EYS: variants seen among roughly 807,000 people sequenced by gnomAD.
EYS encodes protein eyes shut homolog.
A neutral mutation model predicts 282.1 loss-of-function variants in EYS; 250 were observed. That is an observed-to-expected ratio of 0.89 (90% CI 0.80 to 0.98). The LOEUF (loss-of-function observed/expected upper bound fraction) is 0.98, where lower values mean the gene tolerates loss of function less well. Ranked by LOEUF, EYS falls within the 50% of genes least tolerant of loss-of-function variation. The pLI, the probability that EYS is intolerant of heterozygous loss-of-function variation, is 0.00. For synonymous variants in EYS, 1,355 were observed against 1,282.9 expected, an observed-to-expected ratio of 1.06 and a Z score of -1.20; for missense variants, 4,016 against 3,709.0, an observed-to-expected ratio of 1.08 and a Z score of -2.15.
Position 63,979,115 on chromosome 6 carries a change from C to T in EYS, c.7055+5268G>A, listed in dbSNP as rs368699280. 5.9e-5 allele frequency among the ~76,000 whole-genome samples: 9 copies of T among 152,036 alleles called. No homozygotes were observed. In the East Asian group the frequency reaches 1.6e-3, roughly 26 times the overall value. The stretch of plus-strand genomic sequence containing the variant: ...AACACTAATTTACCCATTTGTTGCC[C>T]TAGTGCAGTGGTCTGCAAATGATAG... On this transcript the variant is annotated intron_variant, in intron 35 of 42. Transcript: ENST00000503581.
chr6:65,325,953 T>G lies in EYS; in HGVS notation c.1766+9027A>C, dbSNP rs376586689. Among the ~76,000 whole-genome samples the G allele has an allele frequency of 7.9e-5, 12 of 152,296 alleles. No individual in the cohort carries two copies. The East Asian group carries it at 2.3e-3, about 29-fold the overall frequency. ...GCTAATGAAAGAGCAGTGTTCTTGTTGTTGAGTAATCCACTTATTTATTCT... is the reference window on the plus strand; with the variant it reads ...GCTAATGAAAGAGCAGTGTTCTTGTGGTTGAGTAATCCACTTATTTATTCT... On this transcript the variant is annotated intron_variant, in intron 11 of 42. Transcript: ENST00000503581.
chr6:65,607,647 A>C (rs1200755785), intron 2 of EYS, among the ~76,000 whole-genome samples: 4 of 131,184 alleles, frequency 3.0e-5, no homozygotes, highest in Non-Finnish European at 5.4e-5. Flanking sequence ...ATATGCAGTT[A>C]TCTGAGATAA....
At chr6:64,989,476 T>TGA (rs1770981679) in intron 14 of EYS, among the ~76,000 whole-genome samples, 1 of 135,274 alleles carries the variant, frequency 7.4e-6, no homozygotes, top group South Asian at 2.2e-4. Flanking sequence ...TATATATATA[T>TGA]ATATATATAT....
chr6:64,163,146 G>C (rs1775159944), intron 31 of EYS, among the ~76,000 whole-genome samples: 1 of 151,894 alleles, frequency 6.6e-6, no homozygotes, highest in African/African-American at 2.4e-5. Context: ...TGTTTTAACA[G>C]GTAAAAAAGC....
intron 32 of EYS, among the ~76,000 whole-genome samples, chr6:64,081,550 T>C (rs1241641938): frequency 6.6e-6 from 1 of 152,222 alleles, no homozygotes; most frequent in Non-Finnish European, 1.5e-5. Context: ...ATTTATATCA[T>C]AAAAGTATGC....
intron 1 of EYS, among the ~76,000 whole-genome samples, chr6:65,655,129 C>A (rs746076567): frequency 1.3e-5 from 2 of 151,136 alleles, no homozygotes; most frequent in African/African-American, 4.9e-5. Flanking sequence ...TTGTGTAATA[C>A]AAATGAAATT....
At chr6:65,537,992 C>T (rs1768022865) in intron 2 of EYS, among the ~76,000 whole-genome samples, 1 of 152,168 alleles carries the variant, frequency 6.6e-6, no homozygotes, top group Non-Finnish European at 1.5e-5. Flanking sequence ...CTCTTAGTAG[C>T]TGTGTAAGCC....
chr6:65,041,272 T>C (rs1772927434), intron 13 of EYS, among the ~76,000 whole-genome samples: 1 of 151,734 alleles, frequency 6.6e-6, no homozygotes, highest in African/African-American at 2.4e-5. Flanking sequence ...GTGGCTCACG[T>C]TGCAGGTGAA....
intron 26 of EYS, among the ~76,000 whole-genome samples, chr6:64,551,490 C>T (rs971060178): frequency 1.3e-5 from 2 of 151,404 alleles, no homozygotes; most frequent in South Asian, 2.1e-4. Flanking sequence ...AAATTCTAAG[C>T]ACCCCCAATC....
At chr6:64,298,607 TA>T (rs1297271820) in intron 30 of EYS, among the ~76,000 whole-genome samples, 5 of 152,006 alleles carry the variant, frequency 3.3e-5, no homozygotes, top group African/African-American at 1.2e-4. Context: ...GATGGTAATG[TA>T]AAAAATGAGA....
intron 2 of EYS, among the ~76,000 whole-genome samples, chr6:65,634,509 G>A (rs953435934): frequency 2.6e-5 from 4 of 152,058 alleles, no homozygotes; most frequent in Non-Finnish European, 5.9e-5. Context: ...TGAATATACA[G>A]TGTTTATGTG....
chr6:65,682,654 T>G (rs1295090128), intron 1 of EYS, among the ~76,000 whole-genome samples: 1 of 151,916 alleles, frequency 6.6e-6, no homozygotes, highest in African/African-American at 2.4e-5. Context: ...CACAGTAAAT[T>G]CATGCTCTCC....
chr6:65,080,387 A>G (rs758952452), intron 12 of EYS, among the ~76,000 whole-genome samples: 2 of 152,104 alleles, frequency 1.3e-5, no homozygotes, highest in Non-Finnish European at 2.9e-5. Context: ...GACTTTTTTA[A>G]GCCAATGCTT....
chr6:64,124,671 G>A (rs184181705), intron 31 of EYS, among the ~76,000 whole-genome samples: 23 of 152,208 alleles, frequency 1.5e-4, no homozygotes, highest in Admixed American at 9.2e-4. Flanking sequence ...AAAAATTTTC[G>A]TGTGTTAGGT....
At chr6:65,218,964 A>C (rs539626345) in intron 12 of EYS, among the ~76,000 whole-genome samples, 2 of 152,042 alleles carry the variant, frequency 1.3e-5, no homozygotes, top group Non-Finnish European at 2.9e-5. Flanking sequence ...TTTTCCAAAA[A>C]GTAAAATAAG....
At chr6:64,719,269 A>G (rs1220389648) in intron 22 of EYS, among the ~76,000 whole-genome samples, 2 of 152,110 alleles carry the variant, frequency 1.3e-5, no homozygotes, top group African/African-American at 4.8e-5. Context: ...TGAAATGGAG[A>G]AGCAAAACAA....
intron 13 of EYS, among the ~76,000 whole-genome samples, chr6:64,999,997 C>T (rs1229872754): frequency 1.3e-5 from 2 of 152,220 alleles, no homozygotes; most frequent in Admixed American, 6.5e-5. Flanking sequence ...AGAAAGCCCT[C>T]TGTCCTTGTG....
intron 6 of EYS, among the ~76,000 whole-genome samples, chr6:65,403,461 T>A (rs1236612167): frequency 6.6e-6 from 1 of 151,992 alleles, no homozygotes; most frequent in Non-Finnish European, 1.5e-5. Flanking sequence ...ACAACAAGAT[T>A]TATTAAGATT....
intron 12 of EYS, among the ~76,000 whole-genome samples, chr6:65,110,962 A>T (rs1355306463): frequency 6.6e-6 from 1 of 152,174 alleles, no homozygotes; most frequent in Non-Finnish European, 1.5e-5. Context: ...CTGAAGAGTG[A>T]TTATAAGGAT....
Sources: allele counts gnomAD v4.1 joint callset (sites outside exome capture counted in the v4.1 genomes callset), GRCh38; gene constraint gnomAD v4.1.1; transcripts MANE v1.5; gene names NCBI Gene and HGNC (gene_info 2026-07-23, HGNC 2026-07-21).